Variants in SNTG1 observed in about 807,000 individuals in gnomAD.
SNTG1 encodes the protein syntrophin gamma 1.
SNTG1 carries 39 observed loss-of-function variants against 74.7 expected under a neutral mutation model. The ratio of observed to expected loss-of-function variants is 0.52; its 90% CI spans 0.40 to 0.68. The LOEUF is 0.68. SNTG1 is among the 30% of genes least tolerant of loss of function. The probability of loss-of-function intolerance (pLI) is 0.00; values close to 1 mark genes in which losing one functional copy is unlikely to be tolerated. For missense variants in SNTG1, 685 were observed against 609.5 expected, an observed-to-expected ratio of 1.12 and a Z score of -1.30; for synonymous variants, 254 against 217.1, an observed-to-expected ratio of 1.17 and a Z score of -1.49.
intron 2 of SNTG1, among the ~76,000 whole-genome samples, chr8:50,205,374 G>C (rs1017630023): frequency 6.6e-6 from 1 of 152,146 alleles, no homozygotes; most frequent in Non-Finnish European, 1.5e-5. Flanking sequence ...GTCTTCTTTT[G>C]AGAAGTGTCT....
At chr8:50,356,630 G>A (rs2091823659) in intron 2 of SNTG1, among the ~76,000 whole-genome samples, 1 of 151,876 alleles carries the variant, frequency 6.6e-6, no homozygotes, top group Non-Finnish European at 1.5e-5. Flanking sequence ...AAAGTGGAAA[G>A]GCAAAAAGGG....
intron 2 of SNTG1, among the ~76,000 whole-genome samples, chr8:50,326,093 T>C (rs1476679987): frequency 2.6e-5 from 4 of 152,060 alleles, no homozygotes; most frequent in South Asian, 4.1e-4. Flanking sequence ...GGCTGTAGTG[T>C]ATAGTTGTAT....
intron 13 of SNTG1, among the ~76,000 whole-genome samples, chr8:50,593,224 C>T (rs2094703854): frequency 6.6e-6 from 1 of 152,028 alleles, no homozygotes; most frequent in Non-Finnish European, 1.5e-5. Context: ...AAAATGAAAG[C>T]AAAACATAGG....
intron 1 of SNTG1, among the ~76,000 whole-genome samples, chr8:49,945,910 C>T (rs1288343522): frequency 2.0e-5 from 3 of 152,152 alleles, no homozygotes; most frequent in Non-Finnish European, 2.9e-5. Context: ...TAAACGTCAT[C>T]GCTGTATGAA....
intron 1 of SNTG1, among the ~76,000 whole-genome samples, chr8:50,151,733 T>C (rs538256302): frequency 1.3e-5 from 2 of 152,342 alleles, no homozygotes; most frequent in South Asian, 4.1e-4. Context: ...AGTGAGTTTC[T>C]TAATCCTGAG....
intron 1 of SNTG1, among the ~76,000 whole-genome samples, chr8:50,004,128 C>T (rs1172287427): frequency 1.3e-5 from 2 of 152,020 alleles, no homozygotes; most frequent in Non-Finnish European, 2.9e-5. Context: ...TATGAACCTA[C>T]CATTAATGAT....
chr8:50,395,664 A>G (rs1222831675), intron 3 of SNTG1, among the ~76,000 whole-genome samples: 1 of 151,608 alleles, frequency 6.6e-6, no homozygotes, highest in East Asian at 1.9e-4. Flanking sequence ...CCACCACGCC[A>G]GGCTAATTTT....
intron 12 of SNTG1, among the ~76,000 whole-genome samples, chr8:50,556,845 G>T (rs10107280): frequency 0.077 from 11,770 of 152,138 alleles, 1,057 homozygotes; most frequent in African/African-American, 0.2. Flanking sequence ...CAAGACTTCA[G>T]ATGAGATAGC....
At chr8:50,633,159 TTAATGTGGAG>T (rs6150578) in intron 13 of SNTG1, among the ~76,000 whole-genome samples, 95,915 of 151,566 alleles carry the variant, frequency 0.63, 32,520 homozygotes, top group East Asian at 0.77. Flanking sequence ...TCATTGCCTA[TTAATGTGGAG>T]TAATTTGAGA....
chr8:50,310,637 G>A (rs2044775), intron 2 of SNTG1, among the ~76,000 whole-genome samples: 20,882 of 152,086 alleles, frequency 0.14, 2,000 homozygotes, highest in African/African-American at 0.26. Flanking sequence ...GCAATGAGCC[G>A]AGACCATGCC....
At chr8:49,997,845 T>C (rs145058582) in intron 1 of SNTG1, among the ~76,000 whole-genome samples, 1 of 152,184 alleles carries the variant, frequency 6.6e-6, no homozygotes, top group East Asian at 1.9e-4. Flanking sequence ...GAGATTATGC[T>C]AAGAATACAA....
intron 2 of SNTG1, among the ~76,000 whole-genome samples, chr8:50,350,457 C>G (rs2091622063): frequency 6.6e-6 from 1 of 152,220 alleles, no homozygotes; most frequent in South Asian, 2.1e-4. Flanking sequence ...CACTCTGTAT[C>G]TAGTTCAAAG....
intron 17 of SNTG1, among the ~76,000 whole-genome samples, chr8:50,740,999 G>C (rs1486734837): frequency 6.6e-6 from 1 of 152,026 alleles, no homozygotes; most frequent in African/African-American, 2.4e-5. Context: ...GAGGACGGAG[G>C]TTTGGAGAAG....
chr8:50,551,872 A>C (rs1438242737), intron 11 of SNTG1, among the ~76,000 whole-genome samples: 1 of 152,280 alleles, frequency 6.6e-6, no homozygotes, highest in African/African-American at 2.4e-5. Context: ...TTGAACCCTC[A>C]GAGTCGTGGA....
intron 1 of SNTG1, among the ~76,000 whole-genome samples, chr8:50,130,590 C>T (rs182851715): frequency 9.9e-5 from 15 of 152,104 alleles, no homozygotes; most frequent in African/African-American, 2.2e-4. Context: ...GCCTTTCCTG[C>T]GTTCACACTT....
chr8:49,972,031 G>A lies in SNTG1; in HGVS notation c.-103+59800G>A, dbSNP rs1469530347. ...AAAAAACTACTTTCAAGTTCATGTG[G>A]AACCAAAAAGGAGCCTGCATTGCTA... On this transcript the variant is annotated intron_variant, in intron 1 of 18. Transcript: ENST00000642720. Among the ~76,000 whole-genome samples, 20 of 152,242 alleles carry A rather than the reference G, an allele frequency of 1.3e-4. No homozygotes were observed. The East Asian group carries it at 3.7e-3, about 28-fold the overall frequency.
chr8:50,050,512 TC>T (rs1819478343), intron 1 of SNTG1, among the ~76,000 whole-genome samples: 1 of 151,982 alleles, frequency 6.6e-6, no homozygotes, highest in South Asian at 2.1e-4. Context: ...TGTGTATTCT[TC>T]CCCAAATTCA....
intron 2 of SNTG1, among the ~76,000 whole-genome samples, chr8:50,271,968 G>C (rs536988004): frequency 2.0e-5 from 3 of 152,114 alleles, no homozygotes; most frequent in Middle Eastern, 3.4e-3. Flanking sequence ...GAGCTCTTTT[G>C]TTTTTTTGAC....
intron 2 of SNTG1, among the ~76,000 whole-genome samples, chr8:50,391,992 A>C (rs1436647273): frequency 6.6e-6 from 1 of 152,200 alleles, no homozygotes; most frequent in African/African-American, 2.4e-5. Context: ...AAACAGTCAC[A>C]GCCAAAAGAA....
Sources: gnomAD v4.1 joint callset for allele counts (sites outside exome capture counted in the v4.1 genomes callset) on GRCh38, gnomAD v4.1.1 for gene constraint, MANE v1.5 for transcripts, NCBI Gene and HGNC (gene_info 2026-07-23, HGNC 2026-07-21) for gene names.